Variants in SIRPG observed in about 807,000 individuals in gnomAD.
SIRPG encodes signal-regulatory protein gamma.
SIRPG carries 38 observed loss-of-function variants against 35.7 expected under a neutral mutation model. That is an observed-to-expected ratio of 1.06 (90% CI 0.82 to 1.40). The LOEUF is 1.40. Among genes scored for constraint, SIRPG ranks in the 40% most tolerant of loss-of-function variants. The pLI, the probability that SIRPG is intolerant of heterozygous loss-of-function variation, is 0.00. For missense variants in SIRPG, 519 were observed against 483.0 expected (o/e 1.07, Z -0.70); for synonymous variants, 215 against 190.4 (o/e 1.13, Z -1.06).
At chr20:1,658,733 T>G (rs930012573), upstream of SIRPG, among the ~76,000 whole-genome samples, 1 of 152,186 alleles carries the variant, frequency 6.6e-6, no homozygotes, top group African/African-American at 2.4e-5. Flanking sequence ...TCATTATTGA[T>G]ACTCACGGTG....
chr20:1,680,977 A>G, the SIRPG span, among the ~76,000 whole-genome samples: 1 of 152,222 alleles, frequency 6.6e-6, no homozygotes, highest in Non-Finnish European at 1.5e-5. Flanking sequence ...TCACCAGTGC[A>G]CCCAACATTT....
At chr20:1,685,938 GAGCCTCAAGGCTCC>G in the SIRPG span, among the ~76,000 whole-genome samples, 164 of 152,242 alleles carry the variant, frequency 1.1e-3, no homozygotes, top group Admixed American at 2.1e-3. Flanking sequence ...TTGCCTCCTG[GAGCCTCAAGGCTCC>G]AGCCTCAAGG....
chr20:1,684,543 A>G, the SIRPG span, among the ~76,000 whole-genome samples: 3 of 152,220 alleles, frequency 2.0e-5, no homozygotes, highest in Non-Finnish European at 4.4e-5. Context: ...TTTGGCACAT[A>G]AAAGTCATCC....
At chr20:1,655,719 T>A (rs1568740483) in intron 1 of SIRPG, among the ~76,000 whole-genome samples, 1 of 152,194 alleles carries the variant, frequency 6.6e-6, no homozygotes, top group Non-Finnish European at 1.5e-5. Context: ...AATGCATATG[T>A]TTATTAGTTC....
chr20:1,685,464 GAC>G, the SIRPG span, among the ~76,000 whole-genome samples: 1 of 152,068 alleles, frequency 6.6e-6, no homozygotes, highest in Non-Finnish European at 1.5e-5. Flanking sequence ...CACGTAATAA[GAC>G]ACAGAGCAGA....
the SIRPG span, among the ~76,000 whole-genome samples, chr20:1,676,072 C>T: frequency 6.6e-6 from 1 of 152,166 alleles, no homozygotes; most frequent in African/African-American, 2.4e-5. Flanking sequence ...ATTGGGGTCA[C>T]ACCTGAGCCA....
the SIRPG span, chr20:1,670,870 G>T: frequency 7.1e-6 from 2 of 281,738 alleles, no homozygotes; most frequent in East Asian, 1.1e-4. Context: ...TAGGAGTGAG[G>T]ATTCTCTACC....
At chr20:1,680,077 T>A in the SIRPG span, among the ~76,000 whole-genome samples, 1 of 152,240 alleles carries the variant, frequency 6.6e-6, no homozygotes, top group Non-Finnish European at 1.5e-5. Context: ...CCTTTAAGTT[T>A]CTGTTAAATG....
intron 4 of SIRPG, chr20:1,630,742 T>C (rs2091743273): frequency 6.2e-6 from 1 of 160,724 alleles, no homozygotes. Context: ...CCTGAGACCA[T>C]GTCCTTTGGA....
the SIRPG span, among the ~76,000 whole-genome samples, chr20:1,673,309 C>T: frequency 2.0e-5 from 3 of 152,068 alleles, no homozygotes; most frequent in African/African-American, 4.8e-5. Flanking sequence ...ATCTTTTTAA[C>T]CCCCCTCCAT....
intron 2 of SIRPG, chr20:1,647,300 G>C (rs1283592272): frequency 1.3e-5 from 2 of 152,328 alleles, no homozygotes; most frequent in East Asian, 1.9e-4. Flanking sequence ...GCAAAGAGGG[G>C]TGAGCACCAT....
the SIRPG span, among the ~76,000 whole-genome samples, chr20:1,668,243 CT>C: frequency 2.0e-5 from 1 of 50,344 alleles, no homozygotes; most frequent in Admixed American, 2.3e-4. Context: ...TTCTTTCTTT[CT>C]TTCTTTTTCT....
chr20:1,678,299 G>A, the SIRPG span, among the ~76,000 whole-genome samples: 1 of 152,060 alleles, frequency 6.6e-6, no homozygotes. Context: ...TCTTCAACAC[G>A]TTCAAAGAGC....
chr20:1,631,169 T>C (rs1364607583), intron 4 of SIRPG, among the ~76,000 whole-genome samples: 1 of 152,164 alleles, frequency 6.6e-6, no homozygotes. Flanking sequence ...GATATTACAG[T>C]ATATTTTAAA....
At chr20:1,657,574 G>T (rs946977760) in intron 1 of SIRPG, 68 bp downstream of exon 1, 4 of 1,487,826 alleles carry the variant, frequency 2.7e-6, no homozygotes, top group Non-Finnish European at 3.8e-6. Context: ...TGAAATTGCT[G>T]CAAGTCCAGG....
chr20:1,677,564 A>G, the SIRPG span, among the ~76,000 whole-genome samples: 1 of 152,194 alleles, frequency 6.6e-6, no homozygotes, highest in Non-Finnish European at 1.5e-5. Context: ...CATTGTTTTA[A>G]GCCCCTGGGA....
At chr20:1,643,763 CTTT>C (rs1294372160) in intron 2 of SIRPG, among the ~76,000 whole-genome samples, 1 of 152,186 alleles carries the variant, frequency 6.6e-6, no homozygotes, top group South Asian at 2.1e-4. Flanking sequence ...TTTGTGGGGA[CTTT>C]TTTTGTTGAT....
At chr20:1,642,199 G>C (rs1236033485) in intron 2 of SIRPG, among the ~76,000 whole-genome samples, 1 of 152,154 alleles carries the variant, frequency 6.6e-6, no homozygotes, top group East Asian at 1.9e-4. Context: ...GGGTATTAAA[G>C]TCTCCCACTA....
the SIRPG span, among the ~76,000 whole-genome samples, chr20:1,672,532 G>C: frequency 6.6e-6 from 1 of 152,148 alleles, no homozygotes; most frequent in African/African-American, 2.4e-5. Flanking sequence ...AGTACTTTAA[G>C]TAACCAATGA....
Sources: gnomAD v4.1 joint callset for allele counts (sites outside exome capture counted in the v4.1 genomes callset) on GRCh38, gnomAD v4.1.1 for gene constraint, MANE v1.5 for transcripts, NCBI Gene and HGNC (gene_info 2026-07-23, HGNC 2026-07-21) for gene names.